ARNT2: variants seen among roughly 807,000 people sequenced by gnomAD.
ARNT2 encodes aryl hydrocarbon receptor nuclear translocator 2, also known as ARNT protein 2.
Under a neutral mutation model 91.7 loss-of-function variants are expected in ARNT2, and 36 were observed. That is an observed-to-expected ratio of 0.39 (90% CI 0.30 to 0.52). The LOEUF (loss-of-function observed/expected upper bound fraction) is 0.52, where lower values mean the gene tolerates loss of function less well. Among genes scored for constraint, ARNT2 ranks in the 20% least tolerant of loss-of-function variants. The pLI, the probability that ARNT2 is intolerant of heterozygous loss-of-function variation, is 0.72. For missense variants in ARNT2, 775 were observed against 939.3 expected (o/e 0.83, Z 2.29); for synonymous variants, 365 against 347.1 (o/e 1.05, Z -0.57).
chr15:80,514,657 C>G (rs148661090), intron 8 of ARNT2, among the ~76,000 whole-genome samples: 9 of 152,260 alleles, frequency 5.9e-5, no homozygotes, highest in South Asian at 2.1e-4. Flanking sequence ...GGGGCCAAGG[C>G]GGGTGGATCA....
chr15:80,427,016 T>C (rs11635014), intron 1 of ARNT2, among the ~76,000 whole-genome samples: 74,345 of 152,012 alleles, frequency 0.49, 18,722 homozygotes, highest in Non-Finnish European at 0.58. Context: ...TATTGTCTCC[T>C]AAAGGCCTCA....
chr15:80,575,111 G>A lies in ARNT2; in HGVS notation c.1513+1G>A. 1 of 1,614,072 alleles carries A rather than the reference G, an allele frequency of 6.2e-7. No individual in the cohort carries two copies. Among genetic ancestry groups the A allele is most frequent in the Non-Finnish European group, 8.5e-7 (1 of 1,179,922 alleles). On this transcript the variant is annotated splice_donor_variant, in intron 14 of 18. Coordinates refer to ENST00000303329, the MANE Select transcript of ARNT2 (RefSeq NM_014862.4). LOFTEE classifies it high-confidence loss of function. ...GAAATGTTTGCAGGAATTAGTGCATGTAAGTTTCCAAATGGTACTGAGGTT... is the reference window on the plus strand; with the variant it reads ...GAAATGTTTGCAGGAATTAGTGCATATAAGTTTCCAAATGGTACTGAGGTT...
chr15:80,588,955 TG>T (rs1324828456), intron 17 of ARNT2, among the ~76,000 whole-genome samples: 2 of 152,194 alleles, frequency 1.3e-5, no homozygotes, highest in Admixed American at 1.3e-4. Flanking sequence ...AGTACCAGCA[TG>T]GAGCCCACGT....
At chr15:80,552,462 C>T (rs1248584028) in intron 9 of ARNT2, among the ~76,000 whole-genome samples, 178 bp from the exon 10 acceptor site, 1 of 152,190 alleles carries the variant, frequency 6.6e-6, no homozygotes, top group Non-Finnish European at 1.5e-5. Context: ...AAGTGGCCAA[C>T]TGTTACAGTT....
chr15:80,517,612 A>G (rs965276274), intron 8 of ARNT2, among the ~76,000 whole-genome samples: 4 of 149,010 alleles, frequency 2.7e-5, no homozygotes, highest in African/African-American at 9.8e-5. Context: ...ATTGTACCAC[A>G]ATTTTTGAGT....
At chr15:80,448,332 C>G (rs938612143) in intron 1 of ARNT2, among the ~76,000 whole-genome samples, 2 of 152,026 alleles carry the variant, frequency 1.3e-5, no homozygotes. Flanking sequence ...TGAAATAGGA[C>G]GTGAAAATAA....
chr15:80,420,076 A>G (rs1477868605), intron 1 of ARNT2, among the ~76,000 whole-genome samples: 1 of 151,968 alleles, frequency 6.6e-6, no homozygotes, highest in Admixed American at 6.6e-5. Flanking sequence ...CTCTCTCCAC[A>G]TTTTATCATC....
chr15:80,505,485 T>C (rs762136863), intron 5 of ARNT2, among the ~76,000 whole-genome samples: 1 of 152,250 alleles, frequency 6.6e-6, no homozygotes, highest in Non-Finnish European at 1.5e-5. Flanking sequence ...ATATTCATTA[T>C]TTAATAAGCA....
chr15:80,443,425 G>A (rs1354312216), intron 1 of ARNT2, among the ~76,000 whole-genome samples: 1 of 152,192 alleles, frequency 6.6e-6, no homozygotes, highest in Non-Finnish European at 1.5e-5. Context: ...GAATGAGTGG[G>A]AAGGACAAGA....
At chr15:80,592,545 G>A (rs1893299025) in intron 18 of ARNT2, among the ~76,000 whole-genome samples, 1 of 152,188 alleles carries the variant, frequency 6.6e-6, no homozygotes. Context: ...TCCTTCTCAA[G>A]AATCAGTGCT....
chr15:80,411,582 C>T (rs1045831749), intron 1 of ARNT2, among the ~76,000 whole-genome samples: 1 of 152,192 alleles, frequency 6.6e-6, no homozygotes, highest in African/African-American at 2.4e-5. Context: ...AAACTAGTTC[C>T]TCTAGACTTT....
At chr15:80,433,767 T>C (rs11637295) in intron 1 of ARNT2, 109,880 of 152,086 alleles carry the variant, frequency 0.72, 40,715 homozygotes, top group East Asian at 0.86. Context: ...AATGTGTACA[T>C]GAGAACCTTC....
At position 80,593,825 on chromosome 15, in the gene ARNT2, C is replaced by T. The variant is rs149391331; in HGVS notation, c.*127C>T. 373 of 825,762 alleles carry T rather than the reference C, an allele frequency of 4.5e-4. No homozygotes were observed. Among genetic ancestry groups the T allele is most frequent in the South Asian group, 1.3e-3 (81 of 60,082 alleles). The allele number at this position is 825,762 out of a possible 1,614,324, so 51.2% of individuals were successfully genotyped here. A position where few individuals can be genotyped will look rare whatever the true frequency, so the allele number is the denominator to read the frequency against. ...GCCCCCCACCAGAAGCCATCTCCCC[C>T]GCTGTGTGTCCCCAGGCGCATCATT... On this transcript the variant is annotated 3_prime_UTR_variant, in exon 19 of 19. Transcript: ENST00000303329.
chr15:80,449,929 A>C (rs1044026270), intron 1 of ARNT2, among the ~76,000 whole-genome samples: 4 of 152,172 alleles, frequency 2.6e-5, no homozygotes, highest in Non-Finnish European at 5.9e-5. Flanking sequence ...CCTGGGTAAA[A>C]GTTGAGCTAA....
chr15:80,564,815 G>A (rs1429290511), intron 12 of ARNT2, among the ~76,000 whole-genome samples: 1 of 152,122 alleles, frequency 6.6e-6, no homozygotes, highest in Non-Finnish European at 1.5e-5. Context: ...CATTCACTTA[G>A]GGTAATGGAT....
At chr15:80,543,964 C>G (rs910176545) in intron 8 of ARNT2, among the ~76,000 whole-genome samples, 2 of 152,110 alleles carry the variant, frequency 1.3e-5, no homozygotes, top group African/African-American at 4.8e-5. Context: ...TGGTCTCAAA[C>G]TCCTGACCTC....
chr15:80,593,839 A>AGG lies in ARNT2; in HGVS notation c.*142_*143dup. 1 of 745,928 alleles carries AGG rather than the reference A, an allele frequency of 1.3e-6. No individual in the cohort carries two copies. Among genetic ancestry groups the AGG allele is most frequent in the Non-Finnish European group, 2.2e-6 (1 of 455,350 alleles). 46.2% of individuals were successfully genotyped at this position (745,928 alleles called of 1,614,324 possible). A position where few individuals can be genotyped will look rare whatever the true frequency, so the allele number is the denominator to read the frequency against. On this transcript the variant is annotated 3_prime_UTR_variant, in exon 19 of 19. Coordinates refer to ENST00000303329, the MANE Select transcript of ARNT2 (RefSeq NM_014862.4). ...GCCATCTCCCCCGCTGTGTGTCCCC[A>AGG]GGCGCATCATTGCTCCACTCTCCCC...
At chr15:80,593,360 AG>A (rs1252924899) in intron 18 of ARNT2, among the ~76,000 whole-genome samples, 2 of 152,236 alleles carry the variant, frequency 1.3e-5, no homozygotes, top group Non-Finnish European at 2.9e-5. Context: ...AGATAGACAA[AG>A]GGCATGTCCT....
At chr15:80,414,916 A>G (rs1011905531) in intron 1 of ARNT2, among the ~76,000 whole-genome samples, 1 of 152,288 alleles carries the variant, frequency 6.6e-6, no homozygotes, top group South Asian at 2.1e-4. Context: ...AAGATGTGGC[A>G]TAAAACAGGT....
Sources: allele counts gnomAD v4.1 joint callset (sites outside exome capture counted in the v4.1 genomes callset), GRCh38; gene constraint gnomAD v4.1.1; transcripts MANE v1.5; gene names NCBI Gene and HGNC (gene_info 2026-07-23, HGNC 2026-07-21).